KANK1: variants seen among roughly 807,000 people sequenced by gnomAD.
KANK1 encodes the protein KN motif and ankyrin repeat domain-containing protein 1.
In KANK1, 109 loss-of-function variants were observed where a neutral mutation model predicts 106.2. That is an observed-to-expected ratio of 1.03 (90% CI 0.88 to 1.20). KANK1 has a LOEUF of 1.20. Ranked by LOEUF, KANK1 falls within the 50% of genes most tolerant of loss-of-function variation. KANK1 has a pLI of 0.00. For synonymous variants in KANK1, 873 were observed against 652.2 expected (o/e 1.34, Z -5.16); for missense variants, 2,399 against 1,710.7 (o/e 1.40, Z -7.10).
chr9:546,480 G>A (rs991919411), intron 1 of KANK1, among the ~76,000 whole-genome samples: 1 of 152,080 alleles, frequency 6.6e-6, no homozygotes, highest in Admixed American at 6.6e-5. Flanking sequence ...CGGTCAGAGA[G>A]GGTGATAGCT....
At chr9:523,673 T>G (rs1284234132) in intron 1 of KANK1, among the ~76,000 whole-genome samples, 1 of 151,702 alleles carries the variant, frequency 6.6e-6, no homozygotes, top group African/African-American at 2.4e-5. Flanking sequence ...GCCTTTGCAC[T>G]GGCTCCTTCC....
At chr9:608,036 T>TA (rs907643816) in intron 1 of KANK1, among the ~76,000 whole-genome samples, 45 of 134,740 alleles carry the variant, frequency 3.3e-4, no homozygotes, top group Middle Eastern at 7.4e-3. Flanking sequence ...TTATTATTAT[T>TA]TTTTTTTTTT....
chr9:738,879 G>C (rs1033859186), intron 8 of KANK1, among the ~76,000 whole-genome samples: 1 of 152,190 alleles, frequency 6.6e-6, no homozygotes, highest in Non-Finnish European at 1.5e-5. Flanking sequence ...CAGGCCCAGG[G>C]TCACAGCCTT....
intron 1 of KANK1, among the ~76,000 whole-genome samples, chr9:585,613 A>G (rs972980763): frequency 2.6e-5 from 4 of 152,252 alleles, no homozygotes; most frequent in African/African-American, 9.6e-5. Context: ...AATAATCCAA[A>G]TAGTCTTTGT....
chr9:588,683 C>G (rs1408842116), intron 1 of KANK1, among the ~76,000 whole-genome samples: 1 of 152,126 alleles, frequency 6.6e-6, no homozygotes, highest in African/African-American at 2.4e-5. Flanking sequence ...GATCTCCTTA[C>G]TGGTTTATTT....
chr9:520,190 T>C (rs544022703), intron 1 of KANK1, among the ~76,000 whole-genome samples: 1 of 151,578 alleles, frequency 6.6e-6, no homozygotes, highest in Non-Finnish European at 1.5e-5. Context: ...ATACAAAAAT[T>C]AGCCGTGTGT....
intron 1 of KANK1, among the ~76,000 whole-genome samples, chr9:615,325 A>G (rs1831543645): frequency 6.6e-6 from 1 of 152,152 alleles, no homozygotes; most frequent in African/African-American, 2.4e-5. Flanking sequence ...TTGCTGATGA[A>G]TTGTATTCTT....
intron 1 of KANK1, chr9:549,358 G>C (rs1397006637): frequency 6.6e-6 from 1 of 152,266 alleles, no homozygotes; most frequent in Non-Finnish European, 1.5e-5. Context: ...CTCCTCCTAT[G>C]GCTGACTTCG....
rs56391632 is a variant in KANK1, at chr9:645,126, C to CAAA, written c.-83-31746_-83-31744dup. On this transcript the variant is annotated intron_variant, in intron 1 of 11. Transcript: ENST00000382297. The stretch of plus-strand genomic sequence containing the variant: ...GCAACGGGGCAAGACTCCATCTCTA[C>CAAA]AAAAAAAAAAAAAAAAAAAAGAATT... Among the ~76,000 whole-genome samples, 529 of 71,036 alleles carry CAAA rather than the reference C, an allele frequency of 7.4e-3. 37 individuals are homozygous for CAAA. The highest frequency in any genetic ancestry group is 0.026 in the African/African-American group (405 of 15,710). 46.6% of individuals were successfully genotyped at this position (71,036 alleles called of 152,430 possible). A position where few individuals can be genotyped will look rare whatever the true frequency, so the allele number is the denominator to read the frequency against.
intron 1 of KANK1, among the ~76,000 whole-genome samples, chr9:663,466 G>A (rs572669219): frequency 8.5e-5 from 13 of 152,286 alleles, no homozygotes; most frequent in African/African-American, 3.1e-4. Flanking sequence ...TACCTATACC[G>A]AGTCATAAAA....
intron 1 of KANK1, among the ~76,000 whole-genome samples, chr9:564,590 A>G (rs1817353040): frequency 6.6e-6 from 1 of 152,212 alleles, no homozygotes. Flanking sequence ...GCATGTATTG[A>G]TAACCATGAT....
chr9:730,949 T>G, intron 4 of KANK1: 1 of 371,930 alleles, frequency 2.7e-6, no homozygotes, highest in Non-Finnish European at 4.9e-6. Context: ...ACTAATTGAT[T>G]TTTTTCCCAT....
In KANK1 at chr9:512,708, G is replaced by A. The variant is rs531524460; in HGVS notation, c.-84+7954G>A. Among the ~76,000 whole-genome samples the A allele has an allele frequency of 1.1e-4, 17 of 152,106 alleles. No individual in the cohort carries two copies. The South Asian group carries it at 2.7e-3, about 24-fold the overall frequency. ...CTCAGGCTCAAGCAGAGGGGACATC[G>A]ACCTGCCACTTGATGGGAGTGTCAA... On this transcript the variant is annotated intron_variant, in intron 1 of 11. Coordinates refer to ENST00000382297, the MANE Select transcript of KANK1 (RefSeq NM_015158.5).
At chr9:653,148 GCATAATCATAGAATGTCTGT>G (rs1190226270) in intron 1 of KANK1, among the ~76,000 whole-genome samples, 1 of 152,156 alleles carries the variant, frequency 6.6e-6, no homozygotes, top group Non-Finnish European at 1.5e-5. Flanking sequence ...ATTTAGAAGA[GCATAATCATAGAATGTCTGT>G]CAGGCCTGGA....
intron 1 of KANK1, among the ~76,000 whole-genome samples, chr9:582,585 G>C (rs935319641): frequency 2.0e-5 from 3 of 152,128 alleles, no homozygotes; most frequent in Admixed American, 1.3e-4. Context: ...CATTATTTCA[G>C]ATGCTGCCTT....
chr9:667,734 GTTTTTTTGTTTTGT>G (rs1414804408), intron 1 of KANK1, among the ~76,000 whole-genome samples: 1 of 67,422 alleles, frequency 1.5e-5, no homozygotes, highest in Admixed American at 1.5e-4. Flanking sequence ...ATTTCCAAAG[GTTTTTTTGTTTTGT>G]TTTTTTTTTT....
At chr9:592,344 G>C (rs1055597037) in intron 1 of KANK1, among the ~76,000 whole-genome samples, 2 of 151,798 alleles carry the variant, frequency 1.3e-5, no homozygotes, top group African/African-American at 4.9e-5. Context: ...GGAAGCCGGG[G>C]GAGGGGGAAC....
chr9:728,347 C>A (rs1349732347), intron 3 of KANK1, among the ~76,000 whole-genome samples: 2 of 152,008 alleles, frequency 1.3e-5, no homozygotes, highest in Admixed American at 1.3e-4. Context: ...ACAGGCACCC[C>A]CCACCATGCG....
intron 3 of KANK1, among the ~76,000 whole-genome samples, chr9:721,763 A>G (rs141116155): frequency 5.3e-5 from 8 of 152,322 alleles, no homozygotes; most frequent in East Asian, 1.9e-4. Flanking sequence ...AGGGCTTACT[A>G]TTAATCTTAC....
Sources: allele counts gnomAD v4.1 joint callset (sites outside exome capture counted in the v4.1 genomes callset), GRCh38; gene constraint gnomAD v4.1.1; transcripts MANE v1.5; gene names NCBI Gene and HGNC (gene_info 2026-07-23, HGNC 2026-07-21).